The following SPAG9 variants were observed in gnomAD, a reference collection of about 807,000 sequenced individuals.
SPAG9 encodes C-Jun-amino-terminal kinase-interacting protein 4.
In SPAG9, 35 loss-of-function variants were observed where a neutral mutation model predicts 166.5. That is an observed-to-expected ratio of 0.21 (90% confidence interval 0.16 to 0.28). The LOEUF (loss-of-function observed/expected upper bound fraction) is 0.28. SPAG9 is among the 10% of genes least tolerant of loss of function. The pLI, the probability that SPAG9 is intolerant of heterozygous loss-of-function variation, is 1.00. For synonymous variants in SPAG9, 534 were observed against 565.5 expected, an observed-to-expected ratio of 0.94 and a Z score of 0.79; for missense variants, 1,235 against 1,603.3, an observed-to-expected ratio of 0.77 and a Z score of 3.92.
intron 2 of SPAG9, among the ~76,000 whole-genome samples, chr17:51,070,678 A>G (rs1442032291): frequency 2.0e-5 from 3 of 152,194 alleles, no homozygotes; most frequent in African/African-American, 7.2e-5. Flanking sequence ...TATTAATTAT[A>G]CATGTATAAA....
At chr17:51,004,858 T>C (rs1187422523) in intron 12 of SPAG9, among the ~76,000 whole-genome samples, 1 of 152,252 alleles carries the variant, frequency 6.6e-6, no homozygotes, top group Non-Finnish European at 1.5e-5. Context: ...TTTTTAATAC[T>C]GTTAAATAAT....
intron 1 of SPAG9, among the ~76,000 whole-genome samples, chr17:51,102,137 T>C (rs969582522): frequency 1.3e-5 from 2 of 151,972 alleles, no homozygotes; most frequent in Admixed American, 6.6e-5. Context: ...AATCCTAGCA[T>C]TTTGGGAGGC....
chr17:51,007,988 G>T, intron 9 of SPAG9: 1 of 296,554 alleles, frequency 3.4e-6, no homozygotes, highest in Non-Finnish European at 6.8e-6. Context: ...ACAATGTTAT[G>T]ATTTAATGCA....
chr17:51,006,543 T>G (rs1044168127), intron 10 of SPAG9, among the ~76,000 whole-genome samples: 2 of 152,206 alleles, frequency 1.3e-5, no homozygotes, highest in Non-Finnish European at 2.9e-5. Flanking sequence ...TATTACCCAA[T>G]CAATAAAGTA....
rs1333417565 is a variant in SPAG9, at chr17:51,077,013, GCTAGCTAT to G, written c.424+2563_424+2570del. On this transcript the variant is annotated intron_variant, in intron 2 of 29. Transcript: ENST00000262013. ...AGCTATCTAGCTATCTAGCTAGCTAGCTAGCTATCTAGCTATCTATCTAGCTATCTAGC... is the reference window on the plus strand; with the variant it reads ...AGCTATCTAGCTATCTAGCTAGCTAGCTAGCTATCTATCTAGCTATCTAGC... 2.9e-4 allele frequency among the ~76,000 whole-genome samples: 18 copies of G among 62,858 alleles called. 1 individual carries two copies. Among genetic ancestry groups the G allele is most frequent in the African/African-American group, 8.0e-4 (17 of 21,136 alleles). 41.2% of individuals were successfully genotyped at this position (62,858 alleles called of 152,430 possible). A position where few individuals can be genotyped will look rare whatever the true frequency, so the allele number is the denominator to read the frequency against.
chr17:50,980,235 T>C (rs981549647), intron 25 of SPAG9, among the ~76,000 whole-genome samples: 4 of 152,128 alleles, frequency 2.6e-5, no homozygotes, highest in African/African-American at 9.7e-5. Flanking sequence ...ACAGAGTCTT[T>C]ACTCTTGTCG....
At chr17:50,980,181 T>G (rs1974492472) in intron 25 of SPAG9, among the ~76,000 whole-genome samples, 1 of 152,062 alleles carries the variant, frequency 6.6e-6, no homozygotes, top group Non-Finnish European at 1.5e-5. Flanking sequence ...GTAACAGTGC[T>G]CAACAGAAAG....
chr17:51,111,500 G>GCA, intron 1 of SPAG9, among the ~76,000 whole-genome samples: 1 of 152,296 alleles, frequency 6.6e-6, no homozygotes, highest in Non-Finnish European at 1.5e-5. Flanking sequence ...GTGACCTATG[G>GCA]CACACACTTC....
intron 4 of SPAG9, chr17:51,042,605 G>C (rs1234502635): frequency 6.6e-6 from 1 of 152,152 alleles, no homozygotes; most frequent in Non-Finnish European, 1.5e-5. Context: ...ATTAAAGTGG[G>C]AAAATTTCAG....
intron 2 of SPAG9, among the ~76,000 whole-genome samples, chr17:51,077,041 T>TCTAGCTAGCTATCTAGCTAGCTAG (rs1219566936): frequency 1.0e-4 from 10 of 98,510 alleles, no homozygotes; most frequent in Admixed American, 3.6e-4. Flanking sequence ...TATCTAGCTA[T>TCTAGCTAGCTATCTAGCTAGCTAG]CTAGCTATCT....
intron 4 of SPAG9, chr17:51,046,928 G>A: frequency 2.7e-6 from 4 of 1,481,496 alleles, no homozygotes; most frequent in Non-Finnish European, 3.6e-6. Context: ...CCTCCACTAA[G>A]AGTCCTGGCT....
intron 1 of SPAG9, among the ~76,000 whole-genome samples, chr17:51,112,928 T>C (rs982911820): frequency 8.3e-5 from 12 of 145,226 alleles, no homozygotes; most frequent in African/African-American, 2.3e-4. Context: ...TGGGCCATGA[T>C]TGCACAACTG....
chr17:50,989,731 G>C lies in SPAG9; in HGVS notation c.2759C>G (p.Thr920Arg). 1 of 1,614,192 alleles carries C rather than the reference G, an allele frequency of 6.2e-7. No individual in the cohort carries two copies. The highest frequency in any genetic ancestry group is 2.2e-5 in the East Asian group (1 of 44,890). ...TGGGATCTGAACTCCCAAAGGATCTGTAAAGACATGCTCTGTGTAGACGCC... is the reference window on the plus strand; with the variant it reads ...TGGGATCTGAACTCCCAAAGGATCTCTAAAGACATGCTCTGTGTAGACGCC... ...QTGVYTEHVF[T>R]DPLGVQIPED... Residue 920 changes from threonine to arginine, a missense_variant, in exon 21 of 30, where the codon ACA becomes AGA. Transcript: ENST00000262013.
chr17:51,092,643 G>A (rs1460329217), intron 1 of SPAG9, among the ~76,000 whole-genome samples: 1 of 151,730 alleles, frequency 6.6e-6, no homozygotes, highest in Non-Finnish European at 1.5e-5. Context: ...GCCAGGCACA[G>A]TGGCTCACGC....
intron 1 of SPAG9, among the ~76,000 whole-genome samples, chr17:51,091,349 T>C (rs894938470): frequency 2.0e-5 from 3 of 152,028 alleles, no homozygotes; most frequent in Non-Finnish European, 2.9e-5. Flanking sequence ...TGTGACTTAA[T>C]TGCTTGCCAG....
chr17:51,107,373 C>A (rs993793157), intron 1 of SPAG9, among the ~76,000 whole-genome samples: 2 of 151,822 alleles, frequency 1.3e-5, no homozygotes, highest in African/African-American at 4.8e-5. Flanking sequence ...CATAGTCTGA[C>A]CCCCATCCCT....
chr17:51,091,645 A>C (rs2048468503), intron 1 of SPAG9, among the ~76,000 whole-genome samples: 1 of 151,528 alleles, frequency 6.6e-6, no homozygotes, highest in African/African-American at 2.4e-5. Context: ...TCACACACAT[A>C]CCCACTTTTT....
chr17:50,977,134 A>C lies in SPAG9; in HGVS notation c.3497T>G (p.Val1166Gly). 1.2e-6 allele frequency: 2 copies of C among 1,611,300 alleles called. No individual in the cohort carries two copies. The highest frequency in any genetic ancestry group is 1.7e-6 in the Non-Finnish European group (2 of 1,177,524). ...TTCTGTCAATGGGATGGAGATAATG[A>C]CACCATTTCCTGTCCCCACCCACAA... Reference protein sequence around the residue: ...NRLWVGTGNGVIISIPLTETN... With the variant: ...NRLWVGTGNGGIISIPLTETN... Residue 1166 changes from valine (V) to glycine (G), a missense_variant, in exon 27 of 30, where the codon GTC becomes GGC. Physicochemically the swap from Val to Gly is moderately radical, Grantham distance 109 (BLOSUM62 -3). Transcript: ENST00000262013.
intron 2 of SPAG9, among the ~76,000 whole-genome samples, chr17:51,078,248 A>G (rs1439884839): frequency 3.3e-5 from 5 of 152,198 alleles, no homozygotes; most frequent in Admixed American, 3.3e-4. Context: ...CTGTTACCAA[A>G]CATCCATTGG....
Sources: gnomAD v4.1 joint callset for allele counts (sites outside exome capture counted in the v4.1 genomes callset) on GRCh38, gnomAD v4.1.1 for gene constraint, MANE v1.5 for transcripts, NCBI Gene and HGNC (gene_info 2026-07-23, HGNC 2026-07-21) for gene names.